Variants in CMTR1 observed in about 807,000 individuals in gnomAD.
CMTR1 encodes the protein cap-specific mRNA (nucleoside-2'-O-)-methyltransferase 1.
In CMTR1, 39 loss-of-function variants were observed where a neutral mutation model predicts 107.0. The ratio of observed to expected loss-of-function variants is 0.36; its 90% CI spans 0.28 to 0.48. The LOEUF (loss-of-function observed/expected upper bound fraction) is 0.48. Among genes scored for constraint, CMTR1 ranks in the 20% least tolerant of loss-of-function variants. The pLI is 0.99. For missense variants in CMTR1, 672 were observed against 1,064.9 expected (o/e 0.63, Z 5.14); for synonymous variants, 366 against 379.5 (o/e 0.96, Z 0.41).
At chr6:37,466,632 G>C (rs1051279487) in intron 13 of CMTR1, among the ~76,000 whole-genome samples, 4 of 151,942 alleles carry the variant, frequency 2.6e-5, no homozygotes, top group African/African-American at 9.7e-5. Context: ...TTTATTTCTG[G>C]GCTATCTCTT....
chr6:37,443,291 A>C (rs1771711987), intron 2 of CMTR1, among the ~76,000 whole-genome samples: 1 of 152,212 alleles, frequency 6.6e-6, no homozygotes, highest in Non-Finnish European at 1.5e-5. Flanking sequence ...TTCTAATAAT[A>C]ACCACCAGCA....
chr6:37,452,964 AG>A, intron 6 of CMTR1, 82 bp from the exon 7 acceptor site: 1 of 1,160,634 alleles, frequency 8.6e-7, no homozygotes, highest in Non-Finnish European at 1.3e-6. Context: ...TGTTCCTTGG[AG>A]GGCTGTGAGT....
chr6:37,461,893 A>G (rs1761408951), intron 11 of CMTR1, 77 bp from the exon 12 acceptor site: 1 of 1,519,856 alleles, frequency 6.6e-7, no homozygotes, highest in Non-Finnish European at 9.1e-7. Flanking sequence ...ACTTTGTCAT[A>G]TTTACTCCCA....
intron 22 of CMTR1, among the ~76,000 whole-genome samples, chr6:37,478,803 A>T (rs1024447321): frequency 5.9e-5 from 9 of 152,236 alleles, no homozygotes; most frequent in African/African-American, 2.2e-4. Flanking sequence ...CTCAGTAGAC[A>T]GCAGCAAATC....
At chr6:37,451,960 G>A in intron 6 of CMTR1, 83 bp downstream of exon 6, 2 of 1,121,066 alleles carry the variant, frequency 1.8e-6, no homozygotes, top group African/African-American at 1.5e-5. Context: ...CTTTGAGTGG[G>A]TTGTGGGAAG....
intron 19 of CMTR1, 57 bp downstream of exon 19, chr6:37,475,469 G>A (rs1581754272): frequency 6.8e-7 from 1 of 1,474,036 alleles, no homozygotes; most frequent in Non-Finnish European, 9.4e-7. Flanking sequence ...AGCTTGGGAG[G>A]ACAGCGGCCT....
intron 18 of CMTR1, among the ~76,000 whole-genome samples, chr6:37,474,890 C>T (rs989575282): frequency 1.2e-4 from 19 of 152,294 alleles, no homozygotes; most frequent in African/African-American, 4.6e-4. Flanking sequence ...GCATTGAGGG[C>T]CCTGGTGAGT....
At chr6:37,454,363 T>G (rs1761247346) in intron 8 of CMTR1, among the ~76,000 whole-genome samples, 1 of 152,240 alleles carries the variant, frequency 6.6e-6, no homozygotes, top group East Asian at 1.9e-4. Flanking sequence ...TACTCATTTT[T>G]CACTCCCAGG....
chr6:37,473,377 C>G, intron 16 of CMTR1, 93 bp from the exon 17 acceptor site: 3 of 1,399,106 alleles, frequency 2.1e-6, no homozygotes, highest in Non-Finnish European at 2.9e-6. Context: ...GCTTCCTGTC[C>G]CTTGCCTTGT....
At chr6:37,437,422 G>A (rs1484778956) in intron 2 of CMTR1, among the ~76,000 whole-genome samples, 1 of 150,670 alleles carries the variant, frequency 6.6e-6, no homozygotes, top group Non-Finnish European at 1.5e-5. Context: ...AGCTACTCGG[G>A]AGGCTGAGGC....
intron 4 of CMTR1, 130 bp downstream of exon 4, chr6:37,446,579 G>C (rs13190943): frequency 0.051 from 52,911 of 1,034,638 alleles, 1,551 homozygotes; most frequent in Middle Eastern, 0.089. Context: ...TTTTTTACGT[G>C]GAAAGTACTG....
intron 13 of CMTR1, among the ~76,000 whole-genome samples, chr6:37,467,515 A>C (rs1761532560): frequency 6.6e-6 from 1 of 152,186 alleles, no homozygotes; most frequent in Admixed American, 6.5e-5. Context: ...TCTAAATCTT[A>C]ACTGATATTT....
intron 4 of CMTR1, 37 bp downstream of exon 4, chr6:37,446,486 T>G: frequency 6.3e-7 from 1 of 1,587,506 alleles, no homozygotes; most frequent in African/African-American, 1.3e-5. Flanking sequence ...GAAAAGCCAC[T>G]TGTGTTTTTG....
chr6:37,481,264 T>A lies in CMTR1; in HGVS notation c.*1119T>A, dbSNP rs1406259597. 7.9e-7 allele frequency: 1 copy of A among 1,270,872 alleles called. No individual in the cohort carries two copies. The highest frequency in any genetic ancestry group is 1.0e-6 in the Non-Finnish European group (1 of 976,860). 78.7% of individuals were successfully genotyped at this position (1,270,872 alleles called of 1,614,324 possible). On this transcript the variant is annotated 3_prime_UTR_variant, in exon 24 of 24. Transcript: ENST00000373451. ...GGTTGTTTTTAATGGGAAATACCTC[T>A]CAGAGATGTTCATGCAGGCTCCCTA...
chr6:37,446,462 G>A lies in CMTR1; in HGVS notation c.444+13G>A, dbSNP rs540551328. The A allele has an allele frequency of 3.1e-5, 49 of 1,603,180 alleles. No individual in the cohort carries two copies. The highest frequency in any genetic ancestry group is 4.1e-5 in the Non-Finnish European group (48 of 1,176,464). On this transcript the variant is annotated intron_variant, in intron 4 of 23. Coordinates refer to ENST00000373451, the MANE Select transcript of CMTR1 (RefSeq NM_015050.3). ...AGATGAGCCAGAGGTAAGTGTTAAA[G>A]TGAGGAGGAGATGGAAAAGCCACTT... is the stretch of plus-strand genomic sequence containing the variant.
chr6:37,452,916 C>T lies in CMTR1; in HGVS notation c.610-131C>T. Reference sequence around the variant, plus strand: ...ATTGAGCAGCCTGTGTAGGGTCACACAGTGAGACATTTCAGAGCTGAGATG... The same window carrying T: ...ATTGAGCAGCCTGTGTAGGGTCACATAGTGAGACATTTCAGAGCTGAGATG... On this transcript the variant is annotated intron_variant, in intron 6 of 23. Coordinates refer to ENST00000373451, the MANE Select transcript of CMTR1 (RefSeq NM_015050.3). 4 of 785,202 alleles carry T rather than the reference C, an allele frequency of 5.1e-6. No individual in the cohort carries two copies. The East Asian group carries it at 7.3e-5, about 14-fold the overall frequency. The allele number at this position is 785,202 out of a possible 1,614,324, so 48.6% of individuals were successfully genotyped here.
chr6:37,429,566 A>T (rs1054766323), upstream of CMTR1, among the ~76,000 whole-genome samples: 1 of 152,236 alleles, frequency 6.6e-6, no homozygotes, highest in Non-Finnish European at 1.5e-5. Context: ...ATACAAAAAT[A>T]ATCTGATTGG....
At chr6:37,476,567 A>G (rs1228187073) in intron 20 of CMTR1, among the ~76,000 whole-genome samples, 1 of 152,218 alleles carries the variant, frequency 6.6e-6, no homozygotes, top group Non-Finnish European at 1.5e-5. Flanking sequence ...AATTTTGAAC[A>G]TGAAAAAGAG....
chr6:37,438,701 A>C (rs1771593855), intron 2 of CMTR1, among the ~76,000 whole-genome samples: 4 of 152,192 alleles, frequency 2.6e-5, no homozygotes, highest in Admixed American at 1.3e-4. Flanking sequence ...AGAAGCTTAA[A>C]ATGCGTCACA....
Sources: allele counts gnomAD v4.1 joint callset (sites outside exome capture counted in the v4.1 genomes callset), GRCh38; gene constraint gnomAD v4.1.1; transcripts MANE v1.5; gene names NCBI Gene and HGNC (gene_info 2026-07-23, HGNC 2026-07-21).